VWA3B: variants seen among roughly 807,000 people sequenced by gnomAD.
The protein encoded by VWA3B is von Willebrand factor A domain-containing protein 3B.
Under a neutral mutation model 158.3 loss-of-function variants are expected in VWA3B, and 138 were observed. That is an observed-to-expected ratio of 0.87 (90% confidence interval 0.76 to 1.00). VWA3B has a LOEUF of 1.00. Among genes scored for constraint, VWA3B ranks in the 50% least tolerant of loss-of-function variants. VWA3B has a pLI of 0.00. For missense variants in VWA3B, 1,555 were observed against 1,565.1 expected (o/e 0.99, Z 0.11); for synonymous variants, 596 against 587.3 (o/e 1.01, Z -0.21).
chr2:98,293,681 C>T (rs1043770084), intron 23 of VWA3B, among the ~76,000 whole-genome samples: 1 of 152,078 alleles, frequency 6.6e-6, no homozygotes, highest in Non-Finnish European at 1.5e-5. Context: ...AATTAGGTAA[C>T]ATTTATCATG....
At chr2:98,132,577 G>A (rs928351965) in intron 6 of VWA3B, among the ~76,000 whole-genome samples, 1 of 152,228 alleles carries the variant, frequency 6.6e-6, no homozygotes, top group Non-Finnish European at 1.5e-5. Context: ...ATCAGCCAGA[G>A]GAAATTTCTG....
intron 21 of VWA3B, among the ~76,000 whole-genome samples, chr2:98,258,594 G>T (rs771340097): frequency 6.6e-6 from 1 of 151,628 alleles, no homozygotes; most frequent in Non-Finnish European, 1.5e-5. Context: ...TCTTTTGGGT[G>T]CTATTATAAA....
chr2:98,248,495 C>T (rs1383683647), intron 19 of VWA3B, among the ~76,000 whole-genome samples: 1 of 152,150 alleles, frequency 6.6e-6, no homozygotes, highest in Admixed American at 6.5e-5. Flanking sequence ...GTAGATATCA[C>T]AGATTCAAAG....
rs990793023 is a variant in VWA3B at position 98,245,854 on chromosome 2, G to A, written c.2674-4464G>A. On this transcript the variant is annotated intron_variant, in intron 19 of 27. Transcript: ENST00000477737. ...TTTATGTGACATATAGCTCTATTTC[G>A]AGAGATGATTTTATTTTTTTAAAAT... Among the ~76,000 whole-genome samples, 8 of 151,982 alleles carry A rather than the reference G, an allele frequency of 5.3e-5. 1 individual carries two copies. The highest frequency in any genetic ancestry group is 1.9e-4 in the African/African-American group (8 of 41,328).
chr2:98,317,186 G>GTCATC, downstream of VWA3B, among the ~76,000 whole-genome samples: 1 of 152,294 alleles, frequency 6.6e-6, no homozygotes, highest in Middle Eastern at 3.4e-3. Context: ...CTTTGTTTTA[G>GTCATC]ATAGGATGAC....
chr2:98,309,551 C>G (rs1031076993), intron 26 of VWA3B, among the ~76,000 whole-genome samples: 1 of 152,198 alleles, frequency 6.6e-6, no homozygotes, highest in East Asian at 1.9e-4. Context: ...GAGGAACTTT[C>G]CATGAAGCCA....
chr2:98,111,484 CA>C (rs1674129534), intron 2 of VWA3B, among the ~76,000 whole-genome samples: 1 of 152,110 alleles, frequency 6.6e-6, no homozygotes, highest in Non-Finnish European at 1.5e-5. Flanking sequence ...TCCTGTTTTC[CA>C]TAGAGGTTGT....
chr2:98,153,757 C>T (rs1177748611), intron 7 of VWA3B, among the ~76,000 whole-genome samples: 1 of 152,250 alleles, frequency 6.6e-6, no homozygotes, highest in Non-Finnish European at 1.5e-5. Context: ...GCCGGAGCGG[C>T]TGTGCATCCA....
In VWA3B at chr2:98,188,062, A is replaced by C; in HGVS notation, c.1399A>C (p.Ile467Leu). 6.2e-7 allele frequency: 1 copy of C among 1,614,060 alleles called. No individual in the cohort carries two copies. The highest frequency in any genetic ancestry group is 8.5e-7 in the Non-Finnish European group (1 of 1,179,980). The change falls in exon 10 of 28, where the codon ATT (isoleucine) becomes CTT (leucine). Residue 467 changes from isoleucine (I) to leucine (L), a missense_variant. Coordinates refer to ENST00000477737, the MANE Select transcript of VWA3B (RefSeq NM_144992.5). ...WKDGSLVHVN[I>L]TKEKCKWYSE... ...GGATGGGAGCTTGGTCCACGTCAAC[A>C]TTACCAAAGAGAAGTGCAAGTGGTA...
chr2:98,149,528 CA>C (rs1558604914), intron 7 of VWA3B, among the ~76,000 whole-genome samples: 1 of 152,192 alleles, frequency 6.6e-6, no homozygotes, highest in Non-Finnish European at 1.5e-5. Flanking sequence ...GGAAAGAAAC[CA>C]GTCAGAAGCT....
chr2:98,179,410 T>TG (rs11419620), intron 8 of VWA3B: 404,451 of 462,766 alleles, frequency 0.87, 177,399 homozygotes, highest in East Asian at 0.97. Flanking sequence ...ATTGGCATTG[T>TG]GGTTATTCTT....
chr2:98,099,550 T>TG (rs933933736), intron 2 of VWA3B, among the ~76,000 whole-genome samples: 6 of 152,158 alleles, frequency 3.9e-5, no homozygotes, highest in Non-Finnish European at 8.8e-5. Flanking sequence ...TAAAATCTTT[T>TG]GGGGTAGTCT....
intron 16 of VWA3B, among the ~76,000 whole-genome samples, chr2:98,234,247 A>T (rs562501594): frequency 2.0e-5 from 3 of 152,378 alleles, no homozygotes; most frequent in African/African-American, 7.2e-5. Flanking sequence ...AGAAAGTCAG[A>T]CAGATTTGAA....
intron 5 of VWA3B, among the ~76,000 whole-genome samples, chr2:98,122,811 C>T (rs1675069355): frequency 6.6e-6 from 1 of 152,162 alleles, no homozygotes; most frequent in South Asian, 2.1e-4. Flanking sequence ...ATTCCTATTC[C>T]AGGAAGTAAG....
At chr2:98,151,257 C>A (rs769124972) in intron 7 of VWA3B, among the ~76,000 whole-genome samples, 2 of 152,126 alleles carry the variant, frequency 1.3e-5, no homozygotes, top group Non-Finnish European at 2.9e-5. Context: ...GGATTACAGG[C>A]ATCCGCCATG....
chr2:98,277,535 A>G (rs547707683), intron 22 of VWA3B, among the ~76,000 whole-genome samples: 67 of 152,324 alleles, frequency 4.4e-4, no homozygotes, highest in Admixed American at 9.1e-4. Flanking sequence ...CTGGAGGTAG[A>G]AAATATTTTT....
chr2:98,259,756 ATT>A (rs1687369841), intron 21 of VWA3B, among the ~76,000 whole-genome samples: 7 of 151,344 alleles, frequency 4.6e-5, no homozygotes, highest in African/African-American at 1.7e-4. Context: ...TCTCCTCTTT[ATT>A]ATTTCCTTCC....
chr2:98,269,804 G>A (rs1458475998), intron 21 of VWA3B, among the ~76,000 whole-genome samples: 1 of 152,154 alleles, frequency 6.6e-6, no homozygotes, highest in African/African-American at 2.4e-5. Context: ...TGAGGGCCTG[G>A]GTTTTTATTC....
chr2:98,326,620 G>A, the VWA3B span, among the ~76,000 whole-genome samples: 801 of 152,172 alleles, frequency 5.3e-3, 6 homozygotes, highest in African/African-American at 0.018. Flanking sequence ...AATTAGCCAG[G>A]CGTGGTGGCA....
Sources: gnomAD v4.1 joint callset for allele counts (sites outside exome capture counted in the v4.1 genomes callset) on GRCh38, gnomAD v4.1.1 for gene constraint, MANE v1.5 for transcripts, NCBI Gene and HGNC (gene_info 2026-07-23, HGNC 2026-07-21) for gene names.